The following OPCML variants were observed in gnomAD, a reference collection of about 807,000 sequenced individuals.
OPCML encodes the protein opioid binding protein/cell adhesion molecule like, also known as opioid-binding protein/cell adhesion molecule.
OPCML carries 13 observed loss-of-function variants against 37.8 expected under a neutral mutation model. The ratio of observed to expected loss-of-function variants is 0.34; its 90% CI spans 0.22 to 0.55. OPCML has a LOEUF of 0.55. Ranked by LOEUF, OPCML falls within the 20% of genes least tolerant of loss-of-function variation. The pLI is 0.91. For synonymous variants in OPCML, 176 were observed against 168.8 expected (o/e 1.04, Z -0.33); for missense variants, 341 against 435.6 (o/e 0.78, Z 1.93).
In OPCML at chr11:133,182,522, G is replaced by T. The variant is rs117761629; in HGVS notation, c.62-239512C>A. 8.3e-3 allele frequency among the ~76,000 whole-genome samples: 1,267 copies of T among 152,268 alleles called. 13 individuals are homozygous for T. The highest frequency in any genetic ancestry group is 0.014 in the Non-Finnish European group (954 of 68,024). Reference sequence around the variant, plus strand: ...AGAGACAATTCTGGTGCTAAAGAAAGCAGCCGCCTGGATGCTCCACTTAGA... The same window carrying T: ...AGAGACAATTCTGGTGCTAAAGAAATCAGCCGCCTGGATGCTCCACTTAGA... On this transcript the variant is annotated intron_variant, in intron 1 of 7. Coordinates refer to ENST00000524381, the MANE Select transcript of OPCML (RefSeq NM_001012393.5).
At chr11:133,247,940 T>C (rs1941003825) in intron 1 of OPCML, among the ~76,000 whole-genome samples, 1 of 152,106 alleles carries the variant, frequency 6.6e-6, no homozygotes, top group Admixed American at 6.6e-5. Context: ...GAAGGAATAG[T>C]TGCTAACATT....
intron 3 of OPCML, among the ~76,000 whole-genome samples, chr11:132,619,500 C>T (rs1174675089): frequency 6.6e-6 from 1 of 151,942 alleles, no homozygotes; most frequent in African/African-American, 2.4e-5. Flanking sequence ...ATCAGAGTTA[C>T]ACAGAAAACG....
intron 2 of OPCML, among the ~76,000 whole-genome samples, chr11:132,669,932 TCAGGGATGC>T: frequency 6.6e-6 from 1 of 152,152 alleles, no homozygotes; most frequent in East Asian, 1.9e-4. Flanking sequence ...CACTGACTAG[TCAGGGATGC>T]CTTAAGAAGC....
chr11:133,140,838 A>AAGAAGAG (rs1949781598), intron 1 of OPCML, among the ~76,000 whole-genome samples: 2 of 22,496 alleles, frequency 8.9e-5, no homozygotes, highest in African/African-American at 7.1e-5. Context: ...ACGACGAAGA[A>AAGAAGAG]GACGACGACG....
At chr11:132,458,199 C>T (rs971867211) in intron 4 of OPCML, among the ~76,000 whole-genome samples, 2 of 152,134 alleles carry the variant, frequency 1.3e-5, no homozygotes, top group Non-Finnish European at 2.9e-5. Context: ...AAGATGGACA[C>T]TACACAATCC....
At chr11:132,530,645 C>T (rs1367759186) in intron 3 of OPCML, among the ~76,000 whole-genome samples, 1 of 151,886 alleles carries the variant, frequency 6.6e-6, no homozygotes, top group Non-Finnish European at 1.5e-5. Context: ...ATCTCAGGCC[C>T]CGTTTCCTCT....
At chr11:133,094,862 A>G (rs1948973024) in intron 1 of OPCML, among the ~76,000 whole-genome samples, 1 of 152,152 alleles carries the variant, frequency 6.6e-6, no homozygotes, top group South Asian at 2.1e-4. Flanking sequence ...TCATGACAAC[A>G]TGAATATAAA....
chr11:132,744,299 A>C (rs1945540941), intron 2 of OPCML, among the ~76,000 whole-genome samples: 1 of 152,164 alleles, frequency 6.6e-6, no homozygotes, highest in South Asian at 2.1e-4. Context: ...CATTGACCCC[A>C]GCTGAAGTTT....
intron 2 of OPCML, among the ~76,000 whole-genome samples, chr11:132,767,283 G>A (rs866791356): frequency 3.3e-5 from 5 of 151,966 alleles, no homozygotes; most frequent in East Asian, 1.9e-4. Flanking sequence ...CCTGGGTGGT[G>A]TGTGTGTGCA....
chr11:132,578,840 T>C (rs2096456345), intron 3 of OPCML, among the ~76,000 whole-genome samples: 1 of 152,134 alleles, frequency 6.6e-6, no homozygotes, highest in South Asian at 2.1e-4. Context: ...TGACAACAAT[T>C]GATGCATGGC....
At chr11:132,794,957 T>C (rs765572933) in intron 2 of OPCML, among the ~76,000 whole-genome samples, 2 of 149,872 alleles carry the variant, frequency 1.3e-5, no homozygotes, top group Non-Finnish European at 3.0e-5. Context: ...CTGAATGTGA[T>C]ATATTATTTA....
chr11:133,404,477 A>G (rs1052789704), intron 1 of OPCML, among the ~76,000 whole-genome samples: 1 of 152,178 alleles, frequency 6.6e-6, no homozygotes, highest in Non-Finnish European at 1.5e-5. Flanking sequence ...TATCCGTCTA[A>G]TCCTCATGAC....
intron 1 of OPCML, among the ~76,000 whole-genome samples, chr11:133,465,442 G>T (rs1417429989): frequency 6.6e-6 from 1 of 152,142 alleles, no homozygotes; most frequent in African/African-American, 2.4e-5. Flanking sequence ...GCATTATTCT[G>T]TCTATCACTA....
chr11:133,383,994 C>T (rs1944986153), intron 1 of OPCML, among the ~76,000 whole-genome samples: 1 of 151,922 alleles, frequency 6.6e-6, no homozygotes, highest in Admixed American at 6.5e-5. Context: ...CCGGCAGTGC[C>T]CCAGGAGAGT....
chr11:132,557,120 T>C (rs2096397420), intron 3 of OPCML, among the ~76,000 whole-genome samples: 1 of 152,192 alleles, frequency 6.6e-6, no homozygotes, highest in African/African-American at 2.4e-5. Context: ...GGAGACAAAG[T>C]AATAATAAAA....
At chr11:133,500,733 C>G (rs963123531) in intron 1 of OPCML, among the ~76,000 whole-genome samples, 15 of 152,206 alleles carry the variant, frequency 9.9e-5, no homozygotes, top group Non-Finnish European at 1.0e-4. Context: ...TTCTTCCTGA[C>G]CCCAGCAGGC....
chr11:133,081,128 A>G (rs1948709940), intron 1 of OPCML, among the ~76,000 whole-genome samples: 1 of 152,176 alleles, frequency 6.6e-6, no homozygotes. Context: ...GCAGCATCCC[A>G]GTGTGCTCCT....
chr11:133,063,259 G>C (rs1948381707), intron 1 of OPCML, among the ~76,000 whole-genome samples: 1 of 152,154 alleles, frequency 6.6e-6, no homozygotes, highest in African/African-American at 2.4e-5. Context: ...CAACCAGAGG[G>C]CTGGTCCCCT....
chr11:133,418,694 T>C (rs1945818285), intron 1 of OPCML, among the ~76,000 whole-genome samples: 2 of 152,154 alleles, frequency 1.3e-5, no homozygotes, highest in East Asian at 1.9e-4. Context: ...AAACTGCCTT[T>C]GTAAAATTAA....
Sources: gnomAD v4.1 joint callset for allele counts (sites outside exome capture counted in the v4.1 genomes callset) on GRCh38, gnomAD v4.1.1 for gene constraint, MANE v1.5 for transcripts, NCBI Gene and HGNC (gene_info 2026-07-23, HGNC 2026-07-21) for gene names.